Variants in FER1L5 observed in about 807,000 individuals in gnomAD.
The protein encoded by FER1L5 is fer-1-like protein 5.
FER1L5 carries 187 observed loss-of-function variants against 279.9 expected under a neutral mutation model. The observed-to-expected ratio is 0.67, with a 90% CI of 0.59 to 0.75. The LOEUF is 0.75. FER1L5 is among the 30% of genes least tolerant of loss of function. The pLI is 0.00. For missense variants in FER1L5, 2,091 were observed against 2,594.4 expected (o/e 0.81, Z 4.21); for synonymous variants, 921 against 989.7 (o/e 0.93, Z 1.30).
At chr2:96,657,898 T>G (rs1196132825) in intron 9 of FER1L5, among the ~76,000 whole-genome samples, 1 of 152,228 alleles carries the variant, frequency 6.6e-6, no homozygotes, top group African/African-American at 2.4e-5. Context: ...GCTGCTATAT[T>G]GGGGCCGTGT....
chr2:96,683,737 G>A (rs1189820596), intron 19 of FER1L5, among the ~76,000 whole-genome samples: 1 of 152,166 alleles, frequency 6.6e-6, no homozygotes. Flanking sequence ...TTTGGCTTTC[G>A]CTTGCCTCAC....
chr2:96,661,578 A>C, intron 11 of FER1L5, 90 bp from the exon 12 acceptor site: 1 of 1,535,040 alleles, frequency 6.5e-7, no homozygotes, highest in Non-Finnish European at 8.8e-7. Flanking sequence ...TCCCCCCTGC[A>C]CCAAGTGGGA....
chr2:96,643,018 G>C, intron 1 of FER1L5, 97 bp downstream of exon 1: 1 of 1,028,108 alleles, frequency 9.7e-7, no homozygotes, highest in Non-Finnish European at 1.4e-6. Flanking sequence ...CTACATAAAA[G>C]ATGCCCTGTG....
chr2:96,690,653 A>G (rs2077106497), intron 27 of FER1L5, 64 bp downstream of exon 27: 2 of 1,451,510 alleles, frequency 1.4e-6, no homozygotes, highest in Non-Finnish European at 1.9e-6. Flanking sequence ...GGCAGCCAGC[A>G]GGGTGGGATC....
Position 96,652,700 on chromosome 2 carries a change from C to G in FER1L5, c.633+680C>G, listed in dbSNP as rs542737198. Reference sequence around the variant, plus strand: ...GAGCCTACAGTGTGGGCTGGGGTCCCATCCTGGACACTACTCAGGAGCCAT... The same window carrying G: ...GAGCCTACAGTGTGGGCTGGGGTCCGATCCTGGACACTACTCAGGAGCCAT... On this transcript the variant is annotated intron_variant, in intron 7 of 52. Coordinates refer to ENST00000624922, the MANE Select transcript of FER1L5 (RefSeq NM_001293083.2). 1.6e-3 allele frequency: 244 copies of G among 153,710 alleles called. 3 individuals are homozygous for G. The highest frequency in any genetic ancestry group is 5.4e-4 in the Non-Finnish European group (37 of 69,126). The allele number at this position is 153,710 out of a possible 1,614,324, so 9.5% of individuals were successfully genotyped here.
chr2:96,667,428 A>T (rs1349698842), intron 14 of FER1L5, among the ~76,000 whole-genome samples: 1 of 149,474 alleles, frequency 6.7e-6, no homozygotes, highest in Non-Finnish European at 1.5e-5. Context: ...GCTCACTGCA[A>T]CCTCCTCTTC....
Position 96,646,425 on chromosome 2 carries a change from T to G in FER1L5, c.110T>G (p.Val37Gly). 2.6e-6 allele frequency: 4 copies of G among 1,551,578 alleles called. No homozygotes were observed. The highest frequency in any genetic ancestry group is 2.6e-6 in the Non-Finnish European group (3 of 1,146,934). ...FRDIKKRTRV[V>G]EGNDPVWNET... Reference sequence around the variant, plus strand: ...GATATCAAGAAAAGAACTCGTGTGGTGGAAGGGAATGATCCCGTGTGGAAT... The same window carrying G: ...GATATCAAGAAAAGAACTCGTGTGGGGGAAGGGAATGATCCCGTGTGGAAT... The change falls in exon 2 of 53, where the codon GTG becomes GGG. Residue 37 changes from valine to glycine, a missense_variant. By Grantham distance (109) the Val-to-Gly change is moderately radical. Transcript: ENST00000624922.
chr2:96,704,114 C>G, intron 51 of FER1L5, 101 bp from the exon 52 acceptor site: 1 of 1,407,418 alleles, frequency 7.1e-7, no homozygotes, highest in African/African-American at 1.4e-5. Context: ...CTGTGCCTGG[C>G]CCAGTAGTTG....
In FER1L5 at chr2:96,699,739, G is replaced by C. The variant is rs376302857; in HGVS notation, c.4781+19G>C. ...ACTGCCAGTGAGAGTGGGCCCGTCT[G>C]GGGGAAGGGAGTCAGGTGGGGTGGA... On this transcript the variant is annotated intron_variant, in intron 43 of 52. Transcript: ENST00000624922. The C allele has an allele frequency of 2.0e-5, 32 of 1,612,730 alleles. No individual in the cohort carries two copies. In the African/African-American group the frequency reaches 2.1e-4, roughly 11 times the overall value.
At chr2:96,683,165 T>C (rs1166801441) in intron 19 of FER1L5, among the ~76,000 whole-genome samples, 1 of 152,174 alleles carries the variant, frequency 6.6e-6, no homozygotes, top group Non-Finnish European at 1.5e-5. Context: ...GGTGTATGAC[T>C]GCTATAACAA....
In FER1L5 at chr2:96,704,422, G is replaced by A. The variant is rs754503741; in HGVS notation, c.5950-46G>A. 14 of 1,612,888 alleles carry A rather than the reference G, an allele frequency of 8.7e-6. No homozygotes were observed. In the Admixed American group the frequency reaches 1.7e-4, roughly 19 times the overall value. On this transcript the variant is annotated intron_variant, in intron 52 of 52. Coordinates refer to ENST00000624922, the MANE Select transcript of FER1L5 (RefSeq NM_001293083.2). ...GTCTCGGGATGACTCTGGGGACAGCGTCTTCAGCTTGCCACCCCAGGCTAA... is the reference window on the plus strand; with the variant it reads ...GTCTCGGGATGACTCTGGGGACAGCATCTTCAGCTTGCCACCCCAGGCTAA...
chr2:96,674,062 C>A (rs937071335), intron 19 of FER1L5, among the ~76,000 whole-genome samples: 3 of 152,208 alleles, frequency 2.0e-5, no homozygotes, highest in Non-Finnish European at 4.4e-5. Context: ...TCAGTTTGTA[C>A]AATAGTTTCT....
rs951561140 is a variant in FER1L5 at position 96,689,871 on chromosome 2, T to A, written c.2640+113T>A. ...GGTCTGAGCCCTATGCCCTGCACTA[T>A]GTGTGGGGCCCCGGGTGAGCGCACC... On this transcript the variant is annotated intron_variant, in intron 26 of 52. Coordinates refer to ENST00000624922, the MANE Select transcript of FER1L5 (RefSeq NM_001293083.2). The surrounding 1 kb of genome is among the most constrained non-coding windows in gnomAD (Gnocchi z 4.6). 1.1e-6 allele frequency: 1 copy of A among 912,364 alleles called. No individual in the cohort carries two copies. Among genetic ancestry groups the A allele is most frequent in the East Asian group, 2.7e-5 (1 of 37,460 alleles). 56.5% of individuals were successfully genotyped at this position (912,364 alleles called of 1,614,324 possible). A position where few individuals can be genotyped will look rare whatever the true frequency, so the allele number is the denominator to read the frequency against.
rs564602011 is a variant in FER1L5 at position 96,676,912 on chromosome 2, G to A, written c.1669+3658G>A. On this transcript the variant is annotated intron_variant, in intron 19 of 52. Transcript: ENST00000624922. Reference sequence around the variant, plus strand: ...CACTCTGTCGCCCAGGCCGGAGTGCGGCGGTCTGCCTCTTGGGTTCCCGGG... The same window carrying A: ...CACTCTGTCGCCCAGGCCGGAGTGCAGCGGTCTGCCTCTTGGGTTCCCGGG... 2.0e-5 allele frequency among the ~76,000 whole-genome samples: 3 copies of A among 151,996 alleles called. No homozygotes were observed. The South Asian group carries it at 6.2e-4, about 32-fold the overall frequency.
intron 9 of FER1L5, among the ~76,000 whole-genome samples, chr2:96,655,438 G>T (rs1314431667): frequency 6.6e-6 from 1 of 152,154 alleles, no homozygotes; most frequent in Non-Finnish European, 1.5e-5. Context: ...ACCAAATATT[G>T]CAGGGGACGT....
At chr2:96,700,545 C>A in intron 45 of FER1L5, 74 bp downstream of exon 45, 1 of 1,592,742 alleles carries the variant, frequency 6.3e-7, no homozygotes, top group Non-Finnish European at 8.5e-7. Flanking sequence ...CCTGTCCACC[C>A]AGGACATAGT....
intron 19 of FER1L5, among the ~76,000 whole-genome samples, chr2:96,682,639 C>T (rs1240959814): frequency 6.6e-6 from 1 of 152,256 alleles, no homozygotes; most frequent in Non-Finnish European, 1.5e-5. Context: ...TGGCTTGCTT[C>T]TTCCAGTTAC....
Position 96,699,603 on chromosome 2 carries a change from T to C in FER1L5, c.4664T>C (p.Leu1555Pro), listed in dbSNP as rs1437042904. The change falls in exon 43 of 53, where the codon CTC becomes CCC. Residue 1555 changes from leucine to proline, a missense_variant. Leu to Pro is a moderately conservative substitution (Grantham distance 98, BLOSUM62 -3). Transcript: ENST00000624922. ...CTGGAGAAGGACCTAGAGATCCAGC[T>C]CTATGACTTCGACCTATTTTCACCT... ...IPLEKDLEIQ[L>P]YDFDLFSPDD... 2 of 1,613,908 alleles carry C rather than the reference T, an allele frequency of 1.2e-6. No homozygotes were observed. The highest frequency in any genetic ancestry group is 2.2e-5 in the South Asian group (2 of 91,088).
intron 7 of FER1L5, chr2:96,653,399 C>T (rs2075464672): frequency 2.0e-6 from 1 of 507,802 alleles, no homozygotes; most frequent in Non-Finnish European, 3.5e-6. Context: ...AATCTGAAAC[C>T]CAGAATGCTC....
Sources: allele counts gnomAD v4.1 joint callset (sites outside exome capture counted in the v4.1 genomes callset), GRCh38; gene constraint gnomAD v4.1.1; non-coding constraint Gnocchi (gnomAD v3.1); transcripts MANE v1.5; gene names NCBI Gene and HGNC (gene_info 2026-07-23, HGNC 2026-07-21).